MACROH2A1: variants seen among roughly 807,000 people sequenced by gnomAD.
MACROH2A1 encodes the protein core histone macro-H2A.1.
Under a neutral mutation model 31.6 loss-of-function variants are expected in MACROH2A1, and 2 were observed. That is an observed-to-expected ratio of 0.06 (90% confidence interval 0.03 to 0.20). The LOEUF is 0.20. Among genes scored for constraint, MACROH2A1 ranks in the 10% least tolerant of loss-of-function variants. The pLI, the probability that MACROH2A1 is intolerant of heterozygous loss-of-function variation, is 1.00. For synonymous variants in MACROH2A1, 169 were observed against 189.6 expected, an observed-to-expected ratio of 0.89 and a Z score of 0.89; for missense variants, 230 against 474.0, an observed-to-expected ratio of 0.49 and a Z score of 4.78.
chr5:135,338,738 TGCCTG>T (rs1287846113), intron 8 of MACROH2A1, among the ~76,000 whole-genome samples: 2 of 151,774 alleles, frequency 1.3e-5, no homozygotes, highest in Non-Finnish European at 2.9e-5. Flanking sequence ...TAGCCATTCC[TGCCTG>T]GCCTGGCCTC....
intron 8 of MACROH2A1, among the ~76,000 whole-genome samples, chr5:135,338,935 G>T (rs964885885): frequency 6.6e-6 from 1 of 152,170 alleles, no homozygotes; most frequent in Admixed American, 6.5e-5. Context: ...GTGTTTCAGG[G>T]GTCTGTGCAG....
At chr5:135,358,985 C>T in intron 5 of MACROH2A1, 1 of 985,310 alleles carries the variant, frequency 1.0e-6, no homozygotes, top group Non-Finnish European at 1.2e-6. Flanking sequence ...CCAGAGGAGG[C>T]CGTGATCCCA....
chr5:135,351,543 A>ATTTTTTTTTTTTTTTTTTTTTTTT lies in MACROH2A1; in HGVS notation c.688+1379_688+1402dup, dbSNP rs57605717. 5 of 48,498 alleles carry ATTTTTTTTTTTTTTTTTTTTTTTT rather than the reference A, an allele frequency of 1.0e-4. 1 individual carries two copies. The highest frequency in any genetic ancestry group is 5.8e-4 in the East Asian group (1 of 1,716). The allele number at this position is 48,498 out of a possible 1,614,324, so 3.0% of individuals were successfully genotyped here. ...TAGCCTATCTTATTTTTATGGTTTAATTTTTTTTTTTTTTTTTTTTTTTTT... is the reference window on the plus strand; with the variant it reads ...TAGCCTATCTTATTTTTATGGTTTAATTTTTTTTTTTTTTTTTTTTTTTTTTTTTTTTTTTTTTTTTTTTTTTTT... On this transcript the variant is annotated intron_variant, in intron 6 of 8. Transcript: ENST00000511689.
intron 4 of MACROH2A1, chr5:135,360,875 A>C (rs1762762386): frequency 1.6e-6 from 1 of 606,604 alleles, no homozygotes; most frequent in African/African-American, 1.9e-5. Flanking sequence ...GTGATCATTT[A>C]GAATAGAACC....
chr5:135,367,294 G>C (rs1763629953), intron 4 of MACROH2A1, among the ~76,000 whole-genome samples: 1 of 152,160 alleles, frequency 6.6e-6, no homozygotes, highest in African/African-American at 2.4e-5. Context: ...AGGGTTTAAT[G>C]TTAGCCAAAT....
chr5:135,367,545 A>G (rs1296890942), intron 4 of MACROH2A1, among the ~76,000 whole-genome samples: 3 of 152,248 alleles, frequency 2.0e-5, no homozygotes, highest in African/African-American at 7.2e-5. Context: ...AAAGTTCAGA[A>G]AGTCATAGAA....
At position 135,377,728 on chromosome 5, in the gene MACROH2A1, A is replaced by G. The variant is rs577191737; in HGVS notation, c.173-7586T>C. ...TTTTCCTTTCAAAATGAAAATAATT[A>G]TAACACTGGATAGATGAGAAGCTGC... On this transcript the variant is annotated intron_variant, in intron 2 of 8. Coordinates refer to ENST00000511689, the MANE Select transcript of MACROH2A1 (RefSeq NM_138610.3). 8.5e-5 allele frequency among the ~76,000 whole-genome samples: 13 copies of G among 152,344 alleles called. No homozygotes were observed. In the South Asian group the frequency reaches 2.3e-3, roughly 27 times the overall value.
In MACROH2A1 at chr5:135,389,213, C is replaced by T. The variant is rs1199478220; in HGVS notation, c.-33-87G>A. On this transcript the variant is annotated intron_variant, in intron 1 of 8. Coordinates refer to ENST00000511689, the MANE Select transcript of MACROH2A1 (RefSeq NM_138610.3). ...GTACACTCTAGTCCCCTGGAAGGCC[C>T]CAGGCCTGCCTGCAGATGCCACTGT... 4.2e-6 allele frequency: 4 copies of T among 958,334 alleles called. No homozygotes were observed. In the African/African-American group the frequency reaches 4.9e-5, roughly 12 times the overall value. 59.4% of individuals were successfully genotyped at this position (958,334 alleles called of 1,614,324 possible).
At chr5:135,345,228 T>C (rs532708938) in intron 7 of MACROH2A1, 71 of 152,308 alleles carry the variant, frequency 4.7e-4, no homozygotes, top group African/African-American at 1.7e-3. Flanking sequence ...GTGCACGGCC[T>C]GGTGGACCCT....
At chr5:135,375,248 C>T (rs1764702669) in intron 2 of MACROH2A1, among the ~76,000 whole-genome samples, 2 of 152,234 alleles carry the variant, frequency 1.3e-5, no homozygotes, top group South Asian at 4.1e-4. Context: ...CATATTCCCT[C>T]TCCTCAGAGC....
rs183538611 is a variant in MACROH2A1 at position 135,339,661 on chromosome 5, G to A, written c.953+3599C>T. Among the ~76,000 whole-genome samples, 14 of 152,324 alleles carry A rather than the reference G, an allele frequency of 9.2e-5. No individual in the cohort carries two copies. In the East Asian group the frequency reaches 2.7e-3, roughly 29 times the overall value. On this transcript the variant is annotated intron_variant, in intron 8 of 8. Transcript: ENST00000511689. ...CTTCTGCTAAGATTAGGTCCCCCTC[G>A]CACTGTGCTGTGGGCTGCTCTTAGG...
intron 6 of MACROH2A1, chr5:135,351,163 T>G (rs1294061597): frequency 2.7e-6 from 1 of 366,518 alleles, no homozygotes; most frequent in Non-Finnish European, 5.0e-6. Context: ...AACACACACA[T>G]GAGATCATTT....
intron 5 of MACROH2A1, chr5:135,355,332 C>A: frequency 2.2e-6 from 1 of 449,286 alleles, no homozygotes; most frequent in Non-Finnish European, 4.5e-6. Context: ...CTTGGAAGTG[C>A]AGACTACAGT....
At chr5:135,390,482 G>A (rs2149970735) in intron 1 of MACROH2A1, among the ~76,000 whole-genome samples, 1 of 152,316 alleles carries the variant, frequency 6.6e-6, no homozygotes, top group Middle Eastern at 3.4e-3. Flanking sequence ...TAACCCCCTA[G>A]TCATTTAAAA....
Position 135,369,656 on chromosome 5 carries a change from C to T in MACROH2A1, c.280-53G>A. On this transcript the variant is annotated intron_variant, in intron 3 of 8. Transcript: ENST00000511689. The surrounding 1 kb of genome is among the most constrained non-coding windows in gnomAD (Gnocchi z 4.3). ...GTGAGCCAGATACCCTGCTTCTAACCTTCAAGAAGCCAGCCCTGCCCAGGA... is the reference window on the plus strand; with the variant it reads ...GTGAGCCAGATACCCTGCTTCTAACTTTCAAGAAGCCAGCCCTGCCCAGGA... 7.1e-7 allele frequency: 1 copy of T among 1,416,180 alleles called. No individual in the cohort carries two copies. Among genetic ancestry groups the T allele is most frequent in the Middle Eastern group, 2.4e-4 (1 of 4,100 alleles). 87.7% of individuals were successfully genotyped at this position (1,416,180 alleles called of 1,614,324 possible).
rs1763906926 is a variant in MACROH2A1 at position 135,369,352 on chromosome 5, G to C, written c.477+54C>G. The C allele has an allele frequency of 1.4e-6, 2 of 1,452,408 alleles. No individual in the cohort carries two copies. Among genetic ancestry groups the C allele is most frequent in the Non-Finnish European group, 1.9e-6 (2 of 1,033,680 alleles). 90.0% of individuals were successfully genotyped at this position (1,452,408 alleles called of 1,614,324 possible). Reference sequence around the variant, plus strand: ...ATGAGGGGGGTGCCCTGGTAACCCTGTTTATCCGTACCCCATCCTATCCCA... The same window carrying C: ...ATGAGGGGGGTGCCCTGGTAACCCTCTTTATCCGTACCCCATCCTATCCCA... On this transcript the variant is annotated intron_variant, in intron 4 of 8. Coordinates refer to ENST00000511689, the MANE Select transcript of MACROH2A1 (RefSeq NM_138610.3). This position sits in a 1 kb window ranked among gnomAD's most constrained non-coding sequence, Gnocchi z 4.3.
At position 135,369,490 on chromosome 5, in the gene MACROH2A1, G is replaced by A. The variant is rs115680624; in HGVS notation, c.393C>T (p.Pro131=). ...KGKLEAIITP[P]PAKKAKSPSQ... Reference sequence around the variant, plus strand: ...ATGGAGACTTGGCCTTTTTGGCTGGGGGTGGTGTGATGATGGCTTCCAACT... The same window carrying A: ...ATGGAGACTTGGCCTTTTTGGCTGGAGGTGGTGTGATGATGGCTTCCAACT... Residue 131 remains proline (P), a synonymous_variant, in exon 4 of 9, where the codon CCC becomes CCT. Transcript: ENST00000511689. This position sits in a 1 kb window ranked among gnomAD's most constrained non-coding sequence, Gnocchi z 4.3. The A allele has an allele frequency of 3.5e-4, 563 of 1,614,156 alleles. 4 individuals are homozygous for A. The African/African-American group carries it at 6.7e-3, about 19-fold the overall frequency.
In MACROH2A1 at chr5:135,335,150, G is replaced by T; in HGVS notation, c.954-9C>A. Reference sequence around the variant, plus strand: ...GCTTTGGAAAACCGTTCCTGGAGAAGAGAAGATAAGCACTCAGCAACTGGG... The same window carrying T: ...GCTTTGGAAAACCGTTCCTGGAGAATAGAAGATAAGCACTCAGCAACTGGG... On this transcript the variant is annotated splice_polypyrimidine_tract_variant and intron_variant, in intron 8 of 8. Coordinates refer to ENST00000511689, the MANE Select transcript of MACROH2A1 (RefSeq NM_138610.3). The T allele has an allele frequency of 6.2e-7, 1 of 1,612,938 alleles. No individual in the cohort carries two copies. Among genetic ancestry groups the T allele is most frequent in the South Asian group, 1.1e-5 (1 of 91,006 alleles).
chr5:135,355,413 C>A, intron 5 of MACROH2A1: 1 of 377,196 alleles, frequency 2.7e-6, no homozygotes, highest in Non-Finnish European at 5.3e-6. Context: ...CTCTTCACAT[C>A]TGTGGATGAG....
Sources: allele counts gnomAD v4.1 joint callset (sites outside exome capture counted in the v4.1 genomes callset), GRCh38; gene constraint gnomAD v4.1.1; non-coding constraint Gnocchi (gnomAD v3.1); transcripts MANE v1.5; gene names NCBI Gene and HGNC (gene_info 2026-07-23, HGNC 2026-07-21).